The following ANKS1B variants were observed in gnomAD, a reference collection of about 807,000 sequenced individuals.
ANKS1B encodes ankyrin repeat and sterile alpha motif domain-containing protein 1B.
Under a neutral mutation model 148.3 loss-of-function variants are expected in ANKS1B, and 36 were observed. That is an observed-to-expected ratio of 0.24 (90% confidence interval 0.19 to 0.32). The LOEUF (loss-of-function observed/expected upper bound fraction) is 0.32, where lower values mean the gene tolerates loss of function less well. ANKS1B is among the 10% of genes least tolerant of loss of function. ANKS1B has a pLI of 1.00. For synonymous variants in ANKS1B, 542 were observed against 560.8 expected (o/e 0.97, Z 0.47); for missense variants, 1,157 against 1,542.6 (o/e 0.75, Z 4.19).
At chr12:98,768,881 T>TA (rs1412965679) in intron 25 of ANKS1B, among the ~76,000 whole-genome samples, 5 of 109,254 alleles carry the variant, frequency 4.6e-5, no homozygotes, top group African/African-American at 1.7e-4. Flanking sequence ...CTAGCTTCTG[T>TA]AGGGGGGGCT....
intron 12 of ANKS1B, among the ~76,000 whole-genome samples, chr12:99,279,095 A>G (rs1287589889): frequency 1.3e-5 from 2 of 151,904 alleles, no homozygotes; most frequent in Non-Finnish European, 2.9e-5. Flanking sequence ...CCATTCACTG[A>G]CTCGTTGACT....
intron 14 of ANKS1B, among the ~76,000 whole-genome samples, chr12:99,166,330 C>T (rs925564139): frequency 2.0e-5 from 3 of 151,804 alleles, no homozygotes; most frequent in Non-Finnish European, 3.0e-5. Flanking sequence ...AGTAGAACTG[C>T]TTCTTGCTTC....
At chr12:99,879,620 T>C (rs1162930593) in intron 1 of ANKS1B, among the ~76,000 whole-genome samples, 1 of 152,210 alleles carries the variant, frequency 6.6e-6, no homozygotes, top group Non-Finnish European at 1.5e-5. Context: ...CCTCTGCAGA[T>C]AATTAGATTT....
chr12:99,721,714 G>A (rs1186241713), intron 8 of ANKS1B, among the ~76,000 whole-genome samples: 1 of 152,210 alleles, frequency 6.6e-6, no homozygotes, highest in Non-Finnish European at 1.5e-5. Flanking sequence ...CTGTTTGGTG[G>A]TCTCTTCACA....
intron 9 of ANKS1B, among the ~76,000 whole-genome samples, chr12:99,528,168 A>G (rs2096946986): frequency 6.6e-6 from 1 of 152,164 alleles, no homozygotes; most frequent in South Asian, 2.1e-4. Flanking sequence ...CTGGCTAGCC[A>G]TATGCAGAAA....
At chr12:99,073,065 TTTA>T (rs1270408499) in intron 16 of ANKS1B, among the ~76,000 whole-genome samples, 1 of 152,264 alleles carries the variant, frequency 6.6e-6, no homozygotes, top group Non-Finnish European at 1.5e-5. Context: ...AAACCTTCTT[TTTA>T]AAAGTGTATT....
At chr12:99,298,622 A>G (rs1037218265) in intron 12 of ANKS1B, among the ~76,000 whole-genome samples, 3 of 152,178 alleles carry the variant, frequency 2.0e-5, no homozygotes, top group South Asian at 2.1e-4. Flanking sequence ...TTTTGTATCA[A>G]TCCTATGAGG....
At chr12:99,648,736 G>T in intron 9 of ANKS1B, 1 of 1,613,856 alleles carries the variant, frequency 6.2e-7, no homozygotes, top group Non-Finnish European at 8.5e-7. Context: ...GGCTATCCTA[G>T]CTGGGAACAC....
At chr12:99,452,013 A>G (rs2095748729) in intron 10 of ANKS1B, among the ~76,000 whole-genome samples, 1 of 152,154 alleles carries the variant, frequency 6.6e-6, no homozygotes, top group South Asian at 2.1e-4. Flanking sequence ...ATCCTAATCT[A>G]ACAATTCATG....
chr12:99,412,316 G>A (rs887585379), intron 11 of ANKS1B, among the ~76,000 whole-genome samples: 2 of 152,110 alleles, frequency 1.3e-5, no homozygotes, highest in Non-Finnish European at 2.9e-5. Flanking sequence ...CCCACATTAG[G>A]AGCTTCAGGG....
chr12:99,191,421 A>G lies in ANKS1B; in HGVS notation c.2420-37026T>C, dbSNP rs558844613. Reference sequence around the variant, plus strand: ...GTGTGTTTACTGCGACACTGTTCACAATAGCAAAGACTTGGAACCAACCCA... The same window carrying G: ...GTGTGTTTACTGCGACACTGTTCACGATAGCAAAGACTTGGAACCAACCCA... On this transcript the variant is annotated intron_variant, in intron 14 of 26. Transcript: ENST00000683438. Among the ~76,000 whole-genome samples the G allele has an allele frequency of 2.6e-5, 4 of 152,366 alleles. No homozygotes were observed. The East Asian group carries it at 7.7e-4, about 29-fold the overall frequency.
At chr12:99,970,553 C>T (rs1247125862) in intron 1 of ANKS1B, among the ~76,000 whole-genome samples, 1 of 150,086 alleles carries the variant, frequency 6.7e-6, no homozygotes, top group African/African-American at 2.4e-5. Flanking sequence ...CACATTGGAT[C>T]CTCATGGCCT....
intron 9 of ANKS1B, among the ~76,000 whole-genome samples, chr12:98,736,657 A>G (rs1465480935): frequency 6.6e-6 from 1 of 151,614 alleles, no homozygotes; most frequent in Non-Finnish European, 1.5e-5. Flanking sequence ...GTGTAGATAG[A>G]AAAGACAGGG....
At chr12:99,628,161 T>C (rs1040771379) in intron 9 of ANKS1B, among the ~76,000 whole-genome samples, 2 of 152,068 alleles carry the variant, frequency 1.3e-5, no homozygotes, top group African/African-American at 2.4e-5. Context: ...CTGTAGACGA[T>C]TGTCTACAGT....
At chr12:99,564,571 T>A (rs919720941) in intron 9 of ANKS1B, among the ~76,000 whole-genome samples, 2 of 151,602 alleles carry the variant, frequency 1.3e-5, no homozygotes, top group African/African-American at 4.8e-5. Flanking sequence ...ATTTCAATAG[T>A]ACCAGATACA....
chr12:99,828,760 C>A (rs2083522517), intron 1 of ANKS1B, among the ~76,000 whole-genome samples: 1 of 152,118 alleles, frequency 6.6e-6, no homozygotes, highest in African/African-American at 2.4e-5. Context: ...GTAATCCCAG[C>A]ACTTTGAAAG....
intron 14 of ANKS1B, among the ~76,000 whole-genome samples, chr12:99,168,195 T>C (rs543700257): frequency 1.9e-3 from 293 of 152,186 alleles, no homozygotes; most frequent in Non-Finnish European, 3.0e-3. Context: ...CCGTTTGTTG[T>C]AGGTTAATGA....
Position 99,457,375 on chromosome 12 carries a change from C to T in ANKS1B, c.1439-13566G>A, listed in dbSNP as rs114381272. Among the ~76,000 whole-genome samples the T allele has an allele frequency of 3.5e-3, 533 of 151,072 alleles. 4 individuals are homozygous for T. Among genetic ancestry groups the T allele is most frequent in the African/African-American group, 0.013 (523 of 41,186 alleles). On this transcript the variant is annotated intron_variant, in intron 10 of 26. Transcript: ENST00000683438. Reference sequence around the variant, plus strand: ...AACAACAACACTATGAAAAAAAAACCAAGGTATTCAGGCAACAAATAGCAT... The same window carrying T: ...AACAACAACACTATGAAAAAAAAACTAAGGTATTCAGGCAACAAATAGCAT...
chr12:99,476,850 T>C (rs1177169475), intron 10 of ANKS1B, among the ~76,000 whole-genome samples: 1 of 152,102 alleles, frequency 6.6e-6, no homozygotes, highest in Non-Finnish European at 1.5e-5. Flanking sequence ...AACGTGTCAA[T>C]TGGGCCTATG....
Sources: allele counts gnomAD v4.1 joint callset (sites outside exome capture counted in the v4.1 genomes callset), GRCh38; gene constraint gnomAD v4.1.1; transcripts MANE v1.5; gene names NCBI Gene and HGNC (gene_info 2026-07-23, HGNC 2026-07-21).